PRLR: variants seen among roughly 807,000 people sequenced by gnomAD.
PRLR encodes the protein hPRL receptor.
In PRLR, 13 loss-of-function variants were observed where a neutral mutation model predicts 40.2. The ratio of observed to expected loss-of-function variants is 0.32; its 90% CI spans 0.21 to 0.51. PRLR has a LOEUF of 0.51. Ranked by LOEUF, PRLR falls within the 20% of genes least tolerant of loss-of-function variation. The pLI, the probability that PRLR is intolerant of heterozygous loss-of-function variation, is 0.97. For synonymous variants in PRLR, 269 were observed against 278.7 expected, an observed-to-expected ratio of 0.97 and a Z score of 0.35; for missense variants, 656 against 747.3, an observed-to-expected ratio of 0.88 and a Z score of 1.42.
At chr5:35,075,249 C>T (rs1205443211) in intron 5 of PRLR, among the ~76,000 whole-genome samples, 1 of 152,150 alleles carries the variant, frequency 6.6e-6, no homozygotes, top group Non-Finnish European at 1.5e-5. Flanking sequence ...CATTGTCTCA[C>T]CCGGGAAGTG....
At chr5:35,222,183 G>A (rs1186689439) in intron 1 of PRLR, among the ~76,000 whole-genome samples, 3 of 152,010 alleles carry the variant, frequency 2.0e-5, no homozygotes, top group Admixed American at 1.3e-4. Flanking sequence ...CGTGCCTGTA[G>A]TCCCAGCTAC....
At chr5:35,182,237 C>A (rs1197380013) in intron 1 of PRLR, among the ~76,000 whole-genome samples, 1 of 152,164 alleles carries the variant, frequency 6.6e-6, no homozygotes, top group East Asian at 1.9e-4. Context: ...ACTGATTCTA[C>A]CTGAGCCTAA....
chr5:35,220,658 T>C (rs2111672423), intron 1 of PRLR, among the ~76,000 whole-genome samples: 1 of 152,268 alleles, frequency 6.6e-6, no homozygotes, highest in East Asian at 1.9e-4. Flanking sequence ...AATGGGTCCT[T>C]GGAACAAAGC....
intron 1 of PRLR, among the ~76,000 whole-genome samples, chr5:35,187,868 A>C (rs1218947987): frequency 6.6e-6 from 1 of 152,130 alleles, no homozygotes; most frequent in Non-Finnish European, 1.5e-5. Flanking sequence ...AGAGAGCCCC[A>C]TTGCCTTGGA....
At chr5:35,213,553 T>G (rs1419586823) in intron 1 of PRLR, among the ~76,000 whole-genome samples, 1 of 152,228 alleles carries the variant, frequency 6.6e-6, no homozygotes, top group Non-Finnish European at 1.5e-5. Context: ...TTACACACTT[T>G]GCTCACAAAT....
chr5:35,187,555 A>G (rs1775481336), intron 1 of PRLR, among the ~76,000 whole-genome samples: 1 of 152,168 alleles, frequency 6.6e-6, no homozygotes, highest in African/African-American at 2.4e-5. Flanking sequence ...ATTTAGCTCT[A>G]TGGCTGGGTG....
intron 1 of PRLR, among the ~76,000 whole-genome samples, chr5:35,122,046 T>C (rs898186495): frequency 1.3e-5 from 2 of 152,172 alleles, no homozygotes; most frequent in African/African-American, 4.8e-5. Flanking sequence ...AAATAATACA[T>C]GGTAATTCAT....
At chr5:35,166,285 C>T (rs1437474049) in intron 1 of PRLR, among the ~76,000 whole-genome samples, 1 of 152,112 alleles carries the variant, frequency 6.6e-6, no homozygotes, top group Non-Finnish European at 1.5e-5. Flanking sequence ...GTGTTATAGC[C>T]CTTTCACATC....
intron 1 of PRLR, among the ~76,000 whole-genome samples, chr5:35,167,605 A>T (rs1447307058): frequency 6.6e-6 from 1 of 152,086 alleles, no homozygotes; most frequent in Non-Finnish European, 1.5e-5. Context: ...TTTTAAACTG[A>T]CTATTTAAAA....
intron 3 of PRLR, among the ~76,000 whole-genome samples, chr5:35,088,610 T>C (rs1235875050): frequency 6.6e-6 from 1 of 152,112 alleles, no homozygotes; most frequent in African/African-American, 2.4e-5. Context: ...ATTTGTAAAA[T>C]TACAATTAGA....
In PRLR at chr5:35,084,506, A is replaced by C; in HGVS notation, c.337T>G (p.Phe113Val). The C allele has an allele frequency of 2.5e-6, 4 of 1,578,814 alleles. No individual in the cohort carries two copies. In the South Asian group the frequency reaches 4.8e-5, roughly 19 times the overall value. The change falls in exon 5 of 10, where the codon TTC becomes GTC. Residue 113 changes from phenylalanine (F) to valine (V), a missense_variant. Phe to Val is a conservative substitution (Grantham distance 50). Coordinates refer to ENST00000618457, the MANE Select transcript of PRLR (RefSeq NM_000949.7). The stretch of plus-strand genomic sequence containing the variant: ...ACGTCCACATAAAGTTCATCCGAGA[A>C]ACTGCTTCCCATCTGGTTAGTGGCA... ...VNATNQMGSS[F>V]SDELYVDVTY... is the part of the protein sequence containing the mutation.
chr5:35,204,249 A>C (rs974298294), intron 1 of PRLR, among the ~76,000 whole-genome samples: 12 of 151,830 alleles, frequency 7.9e-5, no homozygotes, highest in Admixed American at 1.3e-4. Flanking sequence ...GAAAAAAAAA[A>C]CATAAAAACA....
At chr5:35,091,081 G>A (rs1771181678) in intron 2 of PRLR, among the ~76,000 whole-genome samples, 1 of 151,962 alleles carries the variant, frequency 6.6e-6, no homozygotes. Context: ...CAAAGTGTTG[G>A]GATTACAGGC....
chr5:35,119,382 T>TCA (rs1285946969), intron 1 of PRLR, among the ~76,000 whole-genome samples: 18 of 140,010 alleles, frequency 1.3e-4, no homozygotes, highest in Middle Eastern at 3.6e-3. Context: ...TCTCTCTCTC[T>TCA]CTCTCACACA....
intron 1 of PRLR, among the ~76,000 whole-genome samples, chr5:35,229,940 G>A (rs1579826106): frequency 6.6e-6 from 1 of 152,332 alleles, no homozygotes; most frequent in South Asian, 2.1e-4. Context: ...CAAGGATACA[G>A]GTGAAGATGC....
chr5:35,079,983 A>G (rs1440851566), intron 5 of PRLR, among the ~76,000 whole-genome samples: 4 of 152,262 alleles, frequency 2.6e-5, no homozygotes, highest in Admixed American at 6.5e-5. Flanking sequence ...CTGGCTAGCC[A>G]TATGTAGAAA....
intron 5 of PRLR, among the ~76,000 whole-genome samples, chr5:35,080,257 A>G (rs1561277398): frequency 6.6e-6 from 1 of 152,188 alleles, no homozygotes; most frequent in Non-Finnish European, 1.5e-5. Flanking sequence ...CAGGCAACCT[A>G]CAGAATGGGA....
Position 35,065,975 on chromosome 5 carries a change from A to G in PRLR, c.983T>C (p.Val328Ala). ...DDSEDQHLMS[V>A]HSKEHPSQGM... is the part of the protein sequence containing the mutation. ...TTGACTTGGGTGTTCTTTTGAATGG[A>G]CTGACATTAGATGCTGGTCCTCACT... Residue 328 changes from valine (V) to alanine (A), a missense_variant, in exon 10 of 10, where the codon GTC (valine) becomes GCC (alanine). Coordinates refer to ENST00000618457, the MANE Select transcript of PRLR (RefSeq NM_000949.7). The G allele has an allele frequency of 6.2e-7, 1 of 1,614,154 alleles. No homozygotes were observed. Among genetic ancestry groups the G allele is most frequent in the Non-Finnish European group, 8.5e-7 (1 of 1,180,022 alleles).
intron 1 of PRLR, among the ~76,000 whole-genome samples, chr5:35,162,526 T>A (rs1253082331): frequency 6.6e-6 from 1 of 152,352 alleles, no homozygotes; most frequent in East Asian, 1.9e-4. Context: ...CTTATGAAAC[T>A]ATGTGAGCAC....
Sources: allele counts gnomAD v4.1 joint callset (sites outside exome capture counted in the v4.1 genomes callset), GRCh38; gene constraint gnomAD v4.1.1; transcripts MANE v1.5; gene names NCBI Gene and HGNC (gene_info 2026-07-23, HGNC 2026-07-21).